SORCS1: variants seen among roughly 807,000 people sequenced by gnomAD.
The protein encoded by SORCS1 is VPS10 domain-containing receptor SorCS1.
In SORCS1, 60 loss-of-function variants were observed where a neutral mutation model predicts 146.1. The observed-to-expected ratio is 0.41, with a 90% CI of 0.33 to 0.51. The LOEUF (loss-of-function observed/expected upper bound fraction) is 0.51. Ranked by LOEUF, SORCS1 falls within the 20% of genes least tolerant of loss-of-function variation. The pLI is 0.21. For missense variants in SORCS1, 1,352 were observed against 1,487.6 expected (o/e 0.91, Z 1.50); for synonymous variants, 637 against 584.0 (o/e 1.09, Z -1.31).
intron 18 of SORCS1, among the ~76,000 whole-genome samples, chr10:106,643,726 C>G (rs1044578397): frequency 6.6e-6 from 1 of 152,230 alleles, no homozygotes; most frequent in African/African-American, 2.4e-5. Flanking sequence ...ATTCCCCAAT[C>G]TGTTCCCACA....
chr10:106,665,540 A>G (rs1330394308), intron 17 of SORCS1, among the ~76,000 whole-genome samples: 1 of 152,116 alleles, frequency 6.6e-6, no homozygotes, highest in East Asian at 1.9e-4. Flanking sequence ...ACTTTTTATT[A>G]TCAGAACTTT....
intron 1 of SORCS1, among the ~76,000 whole-genome samples, chr10:107,098,033 C>T (rs955575157): frequency 6.6e-6 from 1 of 152,266 alleles, no homozygotes; most frequent in Admixed American, 6.5e-5. Context: ...TTTTGCAAAG[C>T]ACTATTGTGA....
chr10:107,128,017 C>G (rs113426656), intron 1 of SORCS1, among the ~76,000 whole-genome samples: 1 of 152,198 alleles, frequency 6.6e-6, no homozygotes, highest in South Asian at 2.1e-4. Context: ...TGCAAAATAG[C>G]TATGAAAGGG....
chr10:106,800,470 G>A (rs1225520548), intron 3 of SORCS1, among the ~76,000 whole-genome samples: 1 of 147,246 alleles, frequency 6.8e-6, no homozygotes, highest in African/African-American at 2.5e-5. Flanking sequence ...ACCATCAACA[G>A]CAGAGATTGA....
At chr10:107,076,966 T>G (rs1386235210) in intron 1 of SORCS1, among the ~76,000 whole-genome samples, 1 of 152,216 alleles carries the variant, frequency 6.6e-6, no homozygotes, top group African/African-American at 2.4e-5. Flanking sequence ...ACATCTGATA[T>G]GCACACTTTA....
chr10:106,739,830 T>TATAC (rs909905469), intron 5 of SORCS1, among the ~76,000 whole-genome samples: 7 of 151,290 alleles, frequency 4.6e-5, no homozygotes, highest in African/African-American at 1.7e-4. Flanking sequence ...TGGGCACCTG[T>TATAC]AGTCCCAGCT....
At chr10:107,074,145 C>T (rs11817401) in intron 1 of SORCS1, among the ~76,000 whole-genome samples, 3,293 of 152,230 alleles carry the variant, frequency 0.022, 107 homozygotes, top group African/African-American at 0.074. Flanking sequence ...ACCATTATAA[C>T]ATACGAAGTA....
At chr10:106,878,646 A>ATATATATATATATATTTATT (rs1200849744) in intron 2 of SORCS1, among the ~76,000 whole-genome samples, 85 of 117,884 alleles carry the variant, frequency 7.2e-4, no homozygotes, top group Non-Finnish European at 1.0e-3. Flanking sequence ...ATATATATAT[A>ATATATATATATATATTTATT]TATTTTATAG....
chr10:106,953,142 AGTGTGT>A (rs60289278), intron 2 of SORCS1, among the ~76,000 whole-genome samples: 1,908 of 147,978 alleles, frequency 0.013, 18 homozygotes, highest in African/African-American at 0.023. Flanking sequence ...CTGTGGGTAT[AGTGTGT>A]GTGTGTGTGT....
intron 1 of SORCS1, among the ~76,000 whole-genome samples, chr10:107,130,738 CTTT>C (rs944740535): frequency 7.0e-6 from 1 of 143,264 alleles, no homozygotes; most frequent in Non-Finnish European, 1.5e-5. Flanking sequence ...AGAAAGTTTT[CTTT>C]TTTTTTTTTT....
In SORCS1 at chr10:106,928,481, A is replaced by G. The variant is rs532749755; in HGVS notation, c.626+28032T>C. ...GGTTTCCGCTCACGCCTCTCCCTCC[A>G]CACCTCCCTGCAAGCTGAGGGAGCC... is the stretch of plus-strand genomic sequence containing the variant. On this transcript the variant is annotated intron_variant, in intron 2 of 25. Coordinates refer to ENST00000263054, the MANE Select transcript of SORCS1 (RefSeq NM_052918.5). Among the ~76,000 whole-genome samples the G allele has an allele frequency of 1.2e-4, 19 of 152,194 alleles. No homozygotes were observed. In the South Asian group the frequency reaches 3.9e-3, roughly 32 times the overall value.
At chr10:106,956,099 A>G (rs1440989293) in intron 2 of SORCS1, among the ~76,000 whole-genome samples, 1 of 151,818 alleles carries the variant, frequency 6.6e-6, no homozygotes, top group Non-Finnish European at 1.5e-5. Flanking sequence ...ATTGCACTCC[A>G]GCCTGGGCAA....
At chr10:106,842,773 C>T (rs762922940) in intron 2 of SORCS1, among the ~76,000 whole-genome samples, 2 of 151,242 alleles carry the variant, frequency 1.3e-5, no homozygotes, top group Non-Finnish European at 2.9e-5. Context: ...GTCACCATGC[C>T]CGGCTAATTT....
chr10:107,070,256 C>T (rs1053027462), intron 1 of SORCS1, among the ~76,000 whole-genome samples: 1 of 132,804 alleles, frequency 7.5e-6, no homozygotes, highest in Admixed American at 7.4e-5. Context: ...TATGACCATT[C>T]GTAAACAGTT....
intron 9 of SORCS1, among the ~76,000 whole-genome samples, chr10:106,698,209 G>C (rs1010159842): frequency 6.6e-6 from 1 of 152,124 alleles, no homozygotes; most frequent in Admixed American, 6.5e-5. Context: ...TCATTGAAAG[G>C]AATTACAATG....
intron 1 of SORCS1, among the ~76,000 whole-genome samples, chr10:107,124,984 T>C (rs1407684379): frequency 6.7e-6 from 1 of 148,230 alleles, no homozygotes; most frequent in Non-Finnish European, 1.5e-5. Context: ...GATGGAGTCT[T>C]GCTCTGTTGC....
chr10:106,929,968 C>T (rs139074978), intron 2 of SORCS1, among the ~76,000 whole-genome samples: 29 of 152,248 alleles, frequency 1.9e-4, no homozygotes, highest in Admixed American at 3.9e-4. Flanking sequence ...TAATGATGGC[C>T]GGGCGCAGTG....
At chr10:106,740,468 T>C (rs571038729) in intron 5 of SORCS1, among the ~76,000 whole-genome samples, 45 of 152,238 alleles carry the variant, frequency 3.0e-4, no homozygotes, top group African/African-American at 1.1e-3. Flanking sequence ...GGGTTTAAAA[T>C]TGAATAAAAA....
At chr10:106,748,125 T>C (rs1035420964) in intron 5 of SORCS1, among the ~76,000 whole-genome samples, 1 of 152,164 alleles carries the variant, frequency 6.6e-6, no homozygotes, top group African/African-American at 2.4e-5. Context: ...GCACTTCTTT[T>C]TATTGCTCTT....
Sources: allele counts gnomAD v4.1 joint callset (sites outside exome capture counted in the v4.1 genomes callset), GRCh38; gene constraint gnomAD v4.1.1; transcripts MANE v1.5; gene names NCBI Gene and HGNC (gene_info 2026-07-23, HGNC 2026-07-21).